The following RALGAPA2 variants were observed in gnomAD, a reference collection of about 807,000 sequenced individuals.
RALGAPA2 encodes the protein ral GTPase-activating protein subunit alpha-2.
RALGAPA2 carries 139 observed loss-of-function variants against 230.4 expected under a neutral mutation model. The ratio of observed to expected loss-of-function variants is 0.60; its 90% CI spans 0.53 to 0.69. The LOEUF is 0.69. Ranked by LOEUF, RALGAPA2 falls within the 30% of genes least tolerant of loss-of-function variation. The pLI is 0.00. For synonymous variants in RALGAPA2, 847 were observed against 837.8 expected (o/e 1.01, Z -0.19); for missense variants, 2,163 against 2,276.0 (o/e 0.95, Z 1.01).
At chr20:20,664,305 T>C (rs1379577138) in intron 3 of RALGAPA2, among the ~76,000 whole-genome samples, 3 of 152,180 alleles carry the variant, frequency 2.0e-5, no homozygotes, top group Non-Finnish European at 4.4e-5. Flanking sequence ...CAGCACTTAA[T>C]AGATTTCAAG....
At chr20:20,474,236 A>G (rs1366740756) in intron 36 of RALGAPA2, among the ~76,000 whole-genome samples, 1 of 152,226 alleles carries the variant, frequency 6.6e-6, no homozygotes. Context: ...GCAGAGTAAC[A>G]GCACAGGCCT....
intron 1 of RALGAPA2, among the ~76,000 whole-genome samples, chr20:20,700,411 C>T (rs2069305649): frequency 6.6e-6 from 1 of 152,070 alleles, no homozygotes; most frequent in Non-Finnish European, 1.5e-5. Flanking sequence ...ACACAACATA[C>T]CCACGTAACA....
chr20:20,597,588 T>C (rs376550933), intron 16 of RALGAPA2, among the ~76,000 whole-genome samples: 40 of 152,022 alleles, frequency 2.6e-4, no homozygotes, highest in Non-Finnish European at 1.0e-4. Flanking sequence ...TTAAAAAAAA[T>C]ACTAATCTTT....
intron 38 of RALGAPA2, among the ~76,000 whole-genome samples, chr20:20,405,018 C>T (rs929532729): frequency 1.3e-5 from 2 of 152,234 alleles, no homozygotes; most frequent in Admixed American, 6.5e-5. Context: ...GCTCTTCTCA[C>T]ATTTACTATC....
At chr20:20,700,393 T>A (rs1444041426) in intron 1 of RALGAPA2, among the ~76,000 whole-genome samples, 1 of 152,006 alleles carries the variant, frequency 6.6e-6, no homozygotes, top group Non-Finnish European at 1.5e-5. Context: ...ACCCCAAATC[T>A]CAGCATCACA....
chr20:20,640,367 A>T (rs1568688512), intron 6 of RALGAPA2, among the ~76,000 whole-genome samples: 1 of 152,204 alleles, frequency 6.6e-6, no homozygotes, highest in East Asian at 1.9e-4. Context: ...AACAATAAAA[A>T]CAATAGCTTT....
Position 20,640,835 on chromosome 20 carries a change from G to A in RALGAPA2, c.416C>T (p.Ala139Val), listed in dbSNP as rs1002355198. The A allele has an allele frequency of 8.1e-6, 13 of 1,613,584 alleles. No individual in the cohort carries two copies. The highest frequency in any genetic ancestry group is 8.0e-5 in the African/African-American group (6 of 74,940). Residue 139 changes from alanine (A) to valine (V), a missense_variant, in exon 6 of 40, where the codon GCA (alanine) becomes GTA (valine). Transcript: ENST00000202677. ...GIRLFLLWLQ[A>V]LQTNCAEEQV... Reference sequence around the variant, plus strand: ...CTCTTCTGCACAGTTTGTCTGAAGTGCTTGAAGCCACAGAAGAAACAGCCT... The same window carrying A: ...CTCTTCTGCACAGTTTGTCTGAAGTACTTGAAGCCACAGAAGAAACAGCCT...
Position 20,712,271 on chromosome 20 carries a change from C to A in RALGAPA2, c.106+104G>T. The A allele has an allele frequency of 1.1e-6, 1 of 913,804 alleles. No individual in the cohort carries two copies. Among genetic ancestry groups the A allele is most frequent in the Non-Finnish European group, 1.5e-6 (1 of 646,676 alleles). 56.6% of individuals were successfully genotyped at this position (913,804 alleles called of 1,614,324 possible). A position where few individuals can be genotyped will look rare whatever the true frequency, so the allele number is the denominator to read the frequency against. On this transcript the variant is annotated intron_variant, in intron 1 of 39. Coordinates refer to ENST00000202677, the MANE Select transcript of RALGAPA2 (RefSeq NM_020343.4). The surrounding 1 kb of genome is among the most constrained non-coding windows in gnomAD (Gnocchi z 5.5). ...GAAGGGGGTCGGACGCCCACCCATC[C>A]CCCTCCCCAGCCTCCCAGCCACCGA...
chr20:20,680,682 A>C lies in RALGAPA2; in HGVS notation c.217+9T>G. 6.5e-7 allele frequency: 1 copy of C among 1,531,746 alleles called. No individual in the cohort carries two copies. Among genetic ancestry groups the C allele is most frequent in the Non-Finnish European group, 8.7e-7 (1 of 1,146,066 alleles). The allele number at this position is 1,531,746 out of a possible 1,614,324, so 94.9% of individuals were successfully genotyped here. ...ATGTTTTTTAAAAAAAAACTACTGA[A>C]ATGCTTACCTTTTAATTTCAAACTA... On this transcript the variant is annotated intron_variant, in intron 2 of 39. Coordinates refer to ENST00000202677, the MANE Select transcript of RALGAPA2 (RefSeq NM_020343.4).
intron 20 of RALGAPA2, among the ~76,000 whole-genome samples, chr20:20,575,599 T>C (rs2064794468): frequency 6.6e-6 from 1 of 152,164 alleles, no homozygotes; most frequent in Non-Finnish European, 1.5e-5. Context: ...AACAGAGCTC[T>C]AACTAGTTCT....
At position 20,462,294 on chromosome 20, in the gene RALGAPA2, C is replaced by T. The variant is rs190615004; in HGVS notation, c.5495+10535G>A. Among the ~76,000 whole-genome samples the T allele has an allele frequency of 3.3e-5, 5 of 152,264 alleles. No individual in the cohort carries two copies. The East Asian group carries it at 9.6e-4, about 29-fold the overall frequency. On this transcript the variant is annotated intron_variant, in intron 37 of 39. Coordinates refer to ENST00000202677, the MANE Select transcript of RALGAPA2 (RefSeq NM_020343.4). Reference sequence around the variant, plus strand: ...TGTGGCATTTTGGGGACATGCTATCCTACTAGAAACGAAAGCAGCTGTGCA... The same window carrying T: ...TGTGGCATTTTGGGGACATGCTATCTTACTAGAAACGAAAGCAGCTGTGCA...
intron 31 of RALGAPA2, 121 bp from the exon 32 acceptor site, chr20:20,513,405 G>T (rs2062774955): frequency 1.3e-6 from 1 of 769,782 alleles, no homozygotes; most frequent in Non-Finnish European, 1.8e-6. Context: ...GGCTTTTAGT[G>T]TGCCTCAGCC....
In RALGAPA2 at chr20:20,635,537, A is replaced by G. The variant is rs780923130; in HGVS notation, c.886T>C (p.Tyr296His). Residue 296 changes from tyrosine to histidine, a missense_variant, in exon 9 of 40, where the codon TAT becomes CAT. Tyr to His is a moderately conservative substitution (Grantham distance 83, BLOSUM62 2). Coordinates refer to ENST00000202677, the MANE Select transcript of RALGAPA2 (RefSeq NM_020343.4). ...ATAAAAACAACACGAGCTGCCATAT[A>G]TGGAATCTTTGTACTGTAAATGTTC... ...NENIYSTKIP[Y>H]MAARVVFIKW... 4 of 1,596,364 alleles carry G rather than the reference A, an allele frequency of 2.5e-6. No individual in the cohort carries two copies. The highest frequency in any genetic ancestry group is 2.7e-5 in the African/African-American group (2 of 73,750).
chr20:20,536,790 C>G lies in RALGAPA2; in HGVS notation c.3286-6G>C, dbSNP rs756836173. 1 of 1,610,156 alleles carries G rather than the reference C, an allele frequency of 6.2e-7. No homozygotes were observed. Among genetic ancestry groups the G allele is most frequent in the South Asian group, 1.1e-5 (1 of 90,772 alleles). On this transcript the variant is annotated splice_polypyrimidine_tract_variant and splice_region_variant and intron_variant, in intron 24 of 39. Transcript: ENST00000202677. ...ACAGCCTCTGAACGAGGCGCCTGCA[C>G]ATAAGGAAGAGGAGCACACACATTT...
At chr20:20,428,481 A>G (rs1367682291) in intron 37 of RALGAPA2, among the ~76,000 whole-genome samples, 3 of 152,198 alleles carry the variant, frequency 2.0e-5, no homozygotes, top group Non-Finnish European at 4.4e-5. Flanking sequence ...GCAGTTTTAT[A>G]TTAATGGCAT....
At chr20:20,587,078 T>C (rs1044009594) in intron 18 of RALGAPA2, among the ~76,000 whole-genome samples, 2 of 151,976 alleles carry the variant, frequency 1.3e-5, no homozygotes, top group Admixed American at 6.6e-5. Flanking sequence ...GCACATAGCA[T>C]ATACCAAAAA....
intron 1 of RALGAPA2, among the ~76,000 whole-genome samples, chr20:20,694,113 G>GA (rs1459410667): frequency 6.7e-6 from 1 of 149,016 alleles, no homozygotes; most frequent in African/African-American, 2.5e-5. Context: ...CAAAAAAAAT[G>GA]AAAAAATTTC....
chr20:20,662,955 C>A (rs2067830616), intron 3 of RALGAPA2, among the ~76,000 whole-genome samples: 1 of 152,114 alleles, frequency 6.6e-6, no homozygotes, highest in African/African-American at 2.4e-5. Context: ...TATTTGGGGA[C>A]CTGTAAGAGG....
chr20:20,440,817 G>A (rs970123435), intron 37 of RALGAPA2, among the ~76,000 whole-genome samples: 3 of 152,244 alleles, frequency 2.0e-5, no homozygotes, highest in Non-Finnish European at 2.9e-5. Context: ...TAGGGTTAAC[G>A]AGGACCCACT....
Sources: allele counts gnomAD v4.1 joint callset (sites outside exome capture counted in the v4.1 genomes callset), GRCh38; gene constraint gnomAD v4.1.1; non-coding constraint Gnocchi (gnomAD v3.1); transcripts MANE v1.5; gene names NCBI Gene and HGNC (gene_info 2026-07-23, HGNC 2026-07-21).